The following CD96 variants were observed in gnomAD, a reference collection of about 807,000 sequenced individuals.
The protein encoded by CD96 is CD96 molecule.
In CD96, 70 loss-of-function variants were observed where a neutral mutation model predicts 71.3. The ratio of observed to expected loss-of-function variants is 0.98; its 90% CI spans 0.81 to 1.20. CD96 has a LOEUF of 1.20. Among genes scored for constraint, CD96 ranks in the 50% most tolerant of loss-of-function variants. The probability of loss-of-function intolerance (pLI) is 0.00; values close to 1 mark genes in which losing one functional copy is unlikely to be tolerated. For missense variants in CD96, 742 were observed against 677.5 expected, an observed-to-expected ratio of 1.10 and a Z score of -1.06; for synonymous variants, 248 against 233.0, an observed-to-expected ratio of 1.06 and a Z score of -0.59.
At chr3:111,551,283 T>C (rs763584461) in intron 2 of CD96, among the ~76,000 whole-genome samples, 4 of 152,274 alleles carry the variant, frequency 2.6e-5, no homozygotes, top group Non-Finnish European at 4.4e-5. Flanking sequence ...AGACAATTAA[T>C]GAAGATGACA....
At chr3:111,554,039 C>G (rs901891024) in intron 2 of CD96, among the ~76,000 whole-genome samples, 1 of 151,896 alleles carries the variant, frequency 6.6e-6, no homozygotes. Context: ...GAAAAGTTTT[C>G]TTCATTTCCA....
chr3:111,595,275 C>T (rs533076995), intron 5 of CD96: 3 of 152,136 alleles, frequency 2.0e-5, no homozygotes, highest in Non-Finnish European at 4.4e-5. Context: ...TAGGAAATTC[C>T]CCCCAGCCAC....
At chr3:111,665,110 A>G (rs905780025) in intron 14 of CD96, among the ~76,000 whole-genome samples, 3 of 152,164 alleles carry the variant, frequency 2.0e-5, no homozygotes, top group African/African-American at 7.2e-5. Flanking sequence ...GAGAGATGGA[A>G]GCAAATGACA....
chr3:111,545,600 T>C (rs1398832111), intron 2 of CD96, among the ~76,000 whole-genome samples, 198 bp downstream of exon 2: 1 of 152,156 alleles, frequency 6.6e-6, no homozygotes, highest in Non-Finnish European at 1.5e-5. Context: ...GTGATAAGTG[T>C]CGATAATAAA....
chr3:111,600,815 G>T lies in CD96; in HGVS notation c.988G>T (p.Ala330Ser). ...VLTRVHSNKP[A>S]QSDNLTIWCM... ...AACAAGGGTACATAGTAATAAACCAGCCCAATCAGACAACTTGACCATTTG... is the reference window on the plus strand; with the variant it reads ...AACAAGGGTACATAGTAATAAACCATCCCAATCAGACAACTTGACCATTTG... The change falls in exon 7 of 14, where the codon GCC (alanine) becomes TCC (serine). Residue 330 changes from alanine (A) to serine (S), a missense_variant. Physicochemically the swap from Ala to Ser is moderately conservative, Grantham distance 99. Coordinates refer to ENST00000352690, the MANE Select transcript of CD96 (RefSeq NM_005816.5). 1 of 1,613,066 alleles carries T rather than the reference G, an allele frequency of 6.2e-7. No homozygotes were observed. Among genetic ancestry groups the T allele is most frequent in the Non-Finnish European group, 8.5e-7 (1 of 1,179,082 alleles).
intron 12 of CD96, among the ~76,000 whole-genome samples, chr3:111,641,690 A>G (rs897436269): frequency 3.3e-4 from 50 of 152,226 alleles, no homozygotes; most frequent in African/African-American, 1.2e-3. Context: ...CAACTGCCGA[A>G]TACACACTCT....
chr3:111,621,908 A>G (rs922263227), intron 8 of CD96, among the ~76,000 whole-genome samples: 10 of 152,220 alleles, frequency 6.6e-5, no homozygotes, highest in Admixed American at 3.9e-4. Flanking sequence ...CTACAAAAGC[A>G]TCATATATGC....
chr3:111,600,155 G>A (rs191017021), intron 6 of CD96, among the ~76,000 whole-genome samples: 78 of 152,318 alleles, frequency 5.1e-4, no homozygotes, highest in African/African-American at 1.8e-3. Flanking sequence ...CTTACAGCCA[G>A]GAGTCCAGAG....
intron 2 of CD96, among the ~76,000 whole-genome samples, chr3:111,546,053 G>A (rs1215417873): frequency 6.6e-6 from 1 of 152,122 alleles, no homozygotes; most frequent in East Asian, 1.9e-4. Context: ...AGATGGACAA[G>A]AAGGAGAAGG....
chr3:111,592,014 G>A (rs1299293629), intron 5 of CD96, among the ~76,000 whole-genome samples: 1 of 152,184 alleles, frequency 6.6e-6, no homozygotes, highest in Non-Finnish European at 1.5e-5. Flanking sequence ...CAAAGTACTT[G>A]GGCTATCTCT....
In CD96 at chr3:111,571,220, GTT is replaced by G. The variant is rs60706420; in HGVS notation, c.543+3584_543+3585del. ...GTTTTGTTTTGGTTTTTGGTTTTTG[GTT>G]TTTTTTTTTTATTGCTCATTTCAAA... On this transcript the variant is annotated intron_variant, in intron 3 of 13. Coordinates refer to ENST00000352690, the MANE Select transcript of CD96 (RefSeq NM_005816.5). Among the ~76,000 whole-genome samples the G allele has an allele frequency of 5.0e-3, 686 of 137,994 alleles. 4 individuals carry two copies. The highest frequency in any genetic ancestry group is 0.015 in the African/African-American group (543 of 36,906). The allele number at this position is 137,994 out of a possible 152,430, so 90.5% of individuals were successfully genotyped here.
At chr3:111,587,082 C>G (rs1010491875) in intron 5 of CD96, among the ~76,000 whole-genome samples, 3 of 151,982 alleles carry the variant, frequency 2.0e-5, no homozygotes, top group African/African-American at 7.2e-5. Flanking sequence ...ACAGCCATTC[C>G]AAATGGAAGA....
chr3:111,552,332 C>T (rs1934755971), intron 2 of CD96, among the ~76,000 whole-genome samples: 1 of 151,998 alleles, frequency 6.6e-6, no homozygotes, highest in Non-Finnish European at 1.5e-5. Context: ...GAGCAGCATT[C>T]CTCCCTCCGA....
intron 11 of CD96, among the ~76,000 whole-genome samples, chr3:111,637,672 A>G (rs1345616886): frequency 2.0e-5 from 3 of 152,206 alleles, no homozygotes. Flanking sequence ...TCTCATACCA[A>G]GAGAACAGGA....
chr3:111,608,014 T>C (rs1436453036), intron 8 of CD96, among the ~76,000 whole-genome samples: 2 of 148,110 alleles, frequency 1.4e-5, no homozygotes, highest in African/African-American at 4.9e-5. Context: ...AAAACATATA[T>C]TGTCGCATAT....
chr3:111,632,796 G>A (rs1163857680), intron 10 of CD96, among the ~76,000 whole-genome samples: 1 of 152,106 alleles, frequency 6.6e-6, no homozygotes, highest in Admixed American at 6.5e-5. Flanking sequence ...GTCATAAAAA[G>A]GAATGAGATC....
intron 2 of CD96, among the ~76,000 whole-genome samples, chr3:111,551,628 G>A (rs932812940): frequency 3.3e-5 from 5 of 152,018 alleles, no homozygotes; most frequent in Admixed American, 2.6e-4. Flanking sequence ...GTAAATGTGT[G>A]CCATGGTAGT....
At chr3:111,620,640 CTT>C (rs1938474610) in intron 8 of CD96, among the ~76,000 whole-genome samples, 1 of 152,156 alleles carries the variant, frequency 6.6e-6, no homozygotes, top group Non-Finnish European at 1.5e-5. Flanking sequence ...AGCGAAATAA[CTT>C]TGTGCTCCCT....
In CD96 at chr3:111,637,269, C is replaced by T; in HGVS notation, c.1387+8C>T. The stretch of plus-strand genomic sequence containing the variant: ...CAGGCTCAACACTTCATGGTGAGTA[C>T]TTGGGGAAGATTTAGGGACACTGAA... On this transcript the variant is annotated splice_region_variant and intron_variant, in intron 11 of 13. Coordinates refer to ENST00000352690, the MANE Select transcript of CD96 (RefSeq NM_005816.5). The T allele has an allele frequency of 1.3e-6, 2 of 1,494,826 alleles. No individual in the cohort carries two copies. The highest frequency in any genetic ancestry group is 1.4e-5 in the African/African-American group (1 of 72,618). 92.6% of individuals were successfully genotyped at this position (1,494,826 alleles called of 1,614,324 possible). A position where few individuals can be genotyped will look rare whatever the true frequency, so the allele number is the denominator to read the frequency against.
Sources: allele counts gnomAD v4.1 joint callset (sites outside exome capture counted in the v4.1 genomes callset), GRCh38; gene constraint gnomAD v4.1.1; transcripts MANE v1.5; gene names NCBI Gene and HGNC (gene_info 2026-07-23, HGNC 2026-07-21).